CPNE4: variants seen among roughly 807,000 people sequenced by gnomAD.
CPNE4 encodes copine 4.
Under a neutral mutation model 67.9 loss-of-function variants are expected in CPNE4, and 25 were observed. That is an observed-to-expected ratio of 0.37 (90% CI 0.27 to 0.51). The LOEUF (loss-of-function observed/expected upper bound fraction) is 0.51. Among genes scored for constraint, CPNE4 ranks in the 20% least tolerant of loss-of-function variants. The probability of loss-of-function intolerance (pLI) is 0.93; values close to 1 mark genes in which losing one functional copy is unlikely to be tolerated. For synonymous variants in CPNE4, 242 were observed against 244.9 expected (o/e 0.99, Z 0.11); for missense variants, 464 against 690.8 (o/e 0.67, Z 3.68).
chr3:131,925,070 T>C (rs145089339), intron 1 of CPNE4, among the ~76,000 whole-genome samples: 2 of 152,332 alleles, frequency 1.3e-5, no homozygotes, highest in Admixed American at 6.5e-5. Flanking sequence ...AGTTTCACTC[T>C]CAAAACCTGT....
intron 7 of CPNE4, among the ~76,000 whole-genome samples, chr3:131,611,400 T>C (rs149077942): frequency 2.5e-4 from 38 of 152,340 alleles, no homozygotes; most frequent in South Asian, 1.2e-3. Flanking sequence ...TAATCAATCA[T>C]ATTGTATAAA....
At chr3:131,917,885 T>C (rs1304733302) in intron 1 of CPNE4, among the ~76,000 whole-genome samples, 3 of 152,144 alleles carry the variant, frequency 2.0e-5, no homozygotes, top group African/African-American at 7.2e-5. Context: ...TAGTTCTCAC[T>C]GAATGTGAAA....
rs575505348 is a variant in CPNE4, at chr3:132,023,479, CTTTTTTTTTTTTTTT to C, written c.-2+11073_-2+11087del. ...AAAGGCAATTGCAAAGCAGATCAGC[CTTTTTTTTTTTTTTT>C]TTTTTTTTTTTGAGACGGAGTCTCG... On this transcript the variant is annotated intron_variant, in intron 1 of 15. Coordinates refer to ENST00000429747, the MANE Select transcript of CPNE4 (RefSeq NM_130808.3). Among the ~76,000 whole-genome samples, 76 of 84,626 alleles carry C rather than the reference CTTTTTTTTTTTTTTT, an allele frequency of 9.0e-4. 1 individual carries two copies. The highest frequency in any genetic ancestry group is 3.7e-3 in the African/African-American group (71 of 19,324). The allele number at this position is 84,626 out of a possible 152,430, so 55.5% of individuals were successfully genotyped here.
chr3:131,802,351 T>A (rs990084490), intron 2 of CPNE4, among the ~76,000 whole-genome samples: 2 of 152,104 alleles, frequency 1.3e-5, no homozygotes, highest in Non-Finnish European at 2.9e-5. Context: ...AACAAGGTAA[T>A]TCATACAGAA....
chr3:131,842,638 A>T (rs1184115646), intron 2 of CPNE4, among the ~76,000 whole-genome samples: 1 of 151,872 alleles, frequency 6.6e-6, no homozygotes, highest in Non-Finnish European at 1.5e-5. Context: ...ACTGCAGTGA[A>T]TTGGAAGTGA....
chr3:132,034,066 T>G (rs967310388), intron 1 of CPNE4, among the ~76,000 whole-genome samples: 3 of 152,172 alleles, frequency 2.0e-5, no homozygotes, highest in African/African-American at 7.2e-5. Context: ...AGAACCTCAT[T>G]GTAAGAAGTG....
chr3:131,568,146 G>A (rs2107671262), intron 10 of CPNE4, among the ~76,000 whole-genome samples: 1 of 152,122 alleles, frequency 6.6e-6, no homozygotes, highest in Middle Eastern at 3.4e-3. Context: ...ATTTTATCAT[G>A]TGACTAGACA....
chr3:131,956,649 T>C (rs1323310893), intron 1 of CPNE4, among the ~76,000 whole-genome samples: 1 of 151,942 alleles, frequency 6.6e-6, no homozygotes, highest in East Asian at 1.9e-4. Flanking sequence ...TTTGAAAAAC[T>C]ATATAAATAT....
chr3:132,009,042 G>A (rs2073680330), intron 1 of CPNE4, among the ~76,000 whole-genome samples: 1 of 152,172 alleles, frequency 6.6e-6, no homozygotes, highest in African/African-American at 2.4e-5. Context: ...GGGAGGGTAT[G>A]CACACAGAAT....
chr3:132,004,780 A>C (rs1480333277), intron 1 of CPNE4, among the ~76,000 whole-genome samples: 1 of 152,148 alleles, frequency 6.6e-6, no homozygotes, highest in Non-Finnish European at 1.5e-5. Flanking sequence ...AGCATTTGGA[A>C]ACGAATGTAA....
intron 8 of CPNE4, 43 bp from the exon 9 acceptor site, chr3:131,581,708 C>G: frequency 7.0e-7 from 1 of 1,433,138 alleles, no homozygotes; most frequent in Non-Finnish European, 9.9e-7. Flanking sequence ...CAGGAAAAAG[C>G]TGAGTCTTTC....
At chr3:132,017,139 A>T (rs1440269029) in intron 1 of CPNE4, among the ~76,000 whole-genome samples, 1 of 152,214 alleles carries the variant, frequency 6.6e-6, no homozygotes, top group African/African-American at 2.4e-5. Context: ...AATTCCACAC[A>T]AGCTAATAAG....
chr3:132,036,843 G>A (rs1177944004), upstream of CPNE4, among the ~76,000 whole-genome samples: 5 of 152,080 alleles, frequency 3.3e-5, no homozygotes, highest in Admixed American at 6.5e-5. Context: ...TATATTACAG[G>A]TGAGAGAAAA....
chr3:131,668,753 A>G (rs1171514791), intron 7 of CPNE4, among the ~76,000 whole-genome samples: 3 of 152,168 alleles, frequency 2.0e-5, no homozygotes, highest in East Asian at 3.9e-4. Context: ...GAAAGGCCAG[A>G]GCATGGCCTA....
chr3:131,702,041 C>T (rs75751998), intron 3 of CPNE4, among the ~76,000 whole-genome samples: 18,758 of 151,870 alleles, frequency 0.12, 1,261 homozygotes, highest in African/African-American at 0.16. Context: ...AATGAAAATA[C>T]CAAGTCTCTA....
intron 2 of CPNE4, among the ~76,000 whole-genome samples, chr3:131,783,168 G>C (rs1048878716): frequency 6.6e-6 from 1 of 152,026 alleles, no homozygotes; most frequent in African/African-American, 2.4e-5. Flanking sequence ...AAGCATTTTG[G>C]CTTTTCCTCT....
intron 1 of CPNE4, among the ~76,000 whole-genome samples, chr3:131,950,887 G>A (rs1388984474): frequency 6.6e-6 from 1 of 152,116 alleles, no homozygotes; most frequent in Non-Finnish European, 1.5e-5. Flanking sequence ...TCAACTTGTG[G>A]TTATTTGTTT....
chr3:132,033,386 TGTGA>T (rs1370093149), intron 1 of CPNE4, among the ~76,000 whole-genome samples: 17 of 119,296 alleles, frequency 1.4e-4, no homozygotes, highest in Admixed American at 4.4e-4. Flanking sequence ...TGTGAGAGTG[TGTGA>T]GTGTGTGTGT....
chr3:131,683,133 T>G (rs937554368), intron 6 of CPNE4, among the ~76,000 whole-genome samples: 2 of 152,176 alleles, frequency 1.3e-5, no homozygotes, highest in Non-Finnish European at 2.9e-5. Flanking sequence ...TCTATCTCAC[T>G]GTGGCTGAGC....
Sources: gnomAD v4.1 joint callset for allele counts (sites outside exome capture counted in the v4.1 genomes callset) on GRCh38, gnomAD v4.1.1 for gene constraint, MANE v1.5 for transcripts, NCBI Gene and HGNC (gene_info 2026-07-23, HGNC 2026-07-21) for gene names.